The following KATNIP variants were observed in gnomAD, a reference collection of about 807,000 sequenced individuals.
KATNIP encodes katanin-interacting protein.
Under a neutral mutation model 174.0 loss-of-function variants are expected in KATNIP, and 126 were observed. That is an observed-to-expected ratio of 0.72 (90% CI 0.63 to 0.84). KATNIP has a LOEUF of 0.84. Among genes scored for constraint, KATNIP ranks in the 40% least tolerant of loss-of-function variants. KATNIP has a pLI of 0.00. For synonymous variants in KATNIP, 810 were observed against 835.7 expected (o/e 0.97, Z 0.53); for missense variants, 1,958 against 2,109.7 (o/e 0.93, Z 1.41).
chr16:27,774,091 C>T (rs567751334), intron 23 of KATNIP, among the ~76,000 whole-genome samples: 13 of 152,234 alleles, frequency 8.5e-5, no homozygotes, highest in African/African-American at 2.4e-4. Context: ...CTGGCCCCCT[C>T]GGATCTTGAA....
intron 13 of KATNIP, among the ~76,000 whole-genome samples, chr16:27,710,709 A>G (rs1354607847): frequency 6.6e-6 from 1 of 152,068 alleles, no homozygotes. Flanking sequence ...TCACTATGTT[A>G]CCTGGGATGG....
chr16:27,717,102 A>G (rs1294331525), intron 13 of KATNIP, among the ~76,000 whole-genome samples: 1 of 152,116 alleles, frequency 6.6e-6, no homozygotes, highest in East Asian at 1.9e-4. Flanking sequence ...TCAGCCTCTC[A>G]AAGTGCTGGG....
rs562253355 is a variant in KATNIP at position 27,643,590 on chromosome 16, C to CAAAAA, written c.409-4991_409-4987dup. Among the ~76,000 whole-genome samples, 18 of 40,474 alleles carry CAAAAA rather than the reference C, an allele frequency of 4.4e-4. 3 individuals are homozygous for CAAAAA. Among genetic ancestry groups the CAAAAA allele is most frequent in the East Asian group, 3.0e-3 (3 of 1,016 alleles). 26.6% of individuals were successfully genotyped at this position (40,474 alleles called of 152,430 possible). A position where few individuals can be genotyped will look rare whatever the true frequency, so the allele number is the denominator to read the frequency against. ...TGGGTAACAGAGTGAGACTCTGTCT[C>CAAAAA]AAAAAAAAAAAAAAAAAAAAAAAAA... On this transcript the variant is annotated intron_variant, in intron 5 of 27. Transcript: ENST00000261588.
chr16:27,650,352 C>T (rs891815069), intron 6 of KATNIP, among the ~76,000 whole-genome samples: 7 of 152,018 alleles, frequency 4.6e-5, no homozygotes, highest in African/African-American at 1.7e-4. Context: ...CAGGCCTGGG[C>T]CAGGGTGGAG....
chr16:27,612,424 A>G (rs991437356), intron 2 of KATNIP, among the ~76,000 whole-genome samples: 1 of 152,240 alleles, frequency 6.6e-6, no homozygotes, highest in African/African-American at 2.4e-5. Flanking sequence ...CTTGCTACCC[A>G]AAGTGTGGGC....
At chr16:27,660,034 T>C in intron 6 of KATNIP, 2 of 981,234 alleles carry the variant, frequency 2.0e-6, no homozygotes, top group Non-Finnish European at 2.4e-6. Flanking sequence ...TTGCGAGTCT[T>C]GTTTTAGGGA....
At chr16:27,677,216 A>T (rs1457708059) in intron 6 of KATNIP, among the ~76,000 whole-genome samples, 2 of 152,202 alleles carry the variant, frequency 1.3e-5, no homozygotes, top group African/African-American at 4.8e-5. Flanking sequence ...TCAGCCCCTA[A>T]CAACTACCTG....
At chr16:27,603,547 C>A (rs2075603115) in intron 2 of KATNIP, among the ~76,000 whole-genome samples, 1 of 152,122 alleles carries the variant, frequency 6.6e-6, no homozygotes, top group Admixed American at 6.5e-5. Context: ...CCCACCACCC[C>A]CAACTGCAGT....
Position 27,754,310 on chromosome 16 carries a change from A to C in KATNIP, c.3631+59A>C, listed in dbSNP as rs1359313198. 2.8e-6 allele frequency: 4 copies of C among 1,422,028 alleles called. No individual in the cohort carries two copies. In the African/African-American group the frequency reaches 4.2e-5, roughly 15 times the overall value. The allele number at this position is 1,422,028 out of a possible 1,614,324, so 88.1% of individuals were successfully genotyped here. A position where few individuals can be genotyped will look rare whatever the true frequency, so the allele number is the denominator to read the frequency against. ...AGGAGGACCTTCCAGGGACAGGGGG[A>C]GTTGTGGCCACTTGGGACAGGGTTT... On this transcript the variant is annotated intron_variant, in intron 18 of 27. Transcript: ENST00000261588.
rs2081617640 is a variant in KATNIP, at chr16:27,754,045, G to A, written c.3553-128G>A. ...GCTTCCACAAAGGCAGAAAAATCCAGGAAAACACACAAGGACTTACCTGGG... is the reference window on the plus strand; with the variant it reads ...GCTTCCACAAAGGCAGAAAAATCCAAGAAAACACACAAGGACTTACCTGGG... On this transcript the variant is annotated intron_variant, in intron 17 of 27. Transcript: ENST00000261588. The A allele has an allele frequency of 3.9e-6, 3 of 769,854 alleles. No homozygotes were observed. The Admixed American group carries it at 6.6e-5, about 17-fold the overall frequency. The allele number at this position is 769,854 out of a possible 1,614,324, so 47.7% of individuals were successfully genotyped here.
intron 6 of KATNIP, among the ~76,000 whole-genome samples, chr16:27,676,693 G>T (rs1005046237): frequency 6.6e-6 from 1 of 152,094 alleles, no homozygotes; most frequent in African/African-American, 2.4e-5. Flanking sequence ...GTGCATGTGT[G>T]TGTGTGTGTG....
chr16:27,757,617 T>C (rs1241430447), intron 18 of KATNIP: 2 of 663,560 alleles, frequency 3.0e-6, no homozygotes, highest in Non-Finnish European at 3.7e-6. Flanking sequence ...GCAAGGCAAG[T>C]GTAATTTCTC....
In KATNIP at chr16:27,777,572, C is replaced by G; in HGVS notation, c.4552-38C>G. Reference sequence around the variant, plus strand: ...CTGCCCAAGGTCAACGTGGGAGGGACGAGGGGGACCCATGAGTCCTGCCCC... The same window carrying G: ...CTGCCCAAGGTCAACGTGGGAGGGAGGAGGGGGACCCATGAGTCCTGCCCC... On this transcript the variant is annotated intron_variant, in intron 25 of 27. Transcript: ENST00000261588. The surrounding 1 kb of genome is among the most constrained non-coding windows in gnomAD (Gnocchi z 4.4). The G allele has an allele frequency of 6.4e-7, 1 of 1,565,274 alleles. No homozygotes were observed. The highest frequency in any genetic ancestry group is 1.4e-5 in the African/African-American group (1 of 73,930).
At chr16:27,770,570 G>T (rs577711342) in intron 21 of KATNIP, among the ~76,000 whole-genome samples, 1 of 152,218 alleles carries the variant, frequency 6.6e-6, no homozygotes, top group African/African-American at 2.4e-5. Flanking sequence ...GGGTTGGCTG[G>T]CTGGGCTGGT....
intron 19 of KATNIP, among the ~76,000 whole-genome samples, chr16:27,765,834 G>T (rs950355401): frequency 2.0e-5 from 3 of 152,138 alleles, no homozygotes; most frequent in African/African-American, 7.2e-5. Flanking sequence ...CTTAACCCCT[G>T]TGAAATTTAC....
chr16:27,737,714 C>G (rs576109858), intron 14 of KATNIP, among the ~76,000 whole-genome samples: 1 of 152,056 alleles, frequency 6.6e-6, no homozygotes, highest in African/African-American at 2.4e-5. Flanking sequence ...GGAAAGTCAT[C>G]GCAAAGGAGG....
chr16:27,682,052 C>G (rs2078363520), intron 8 of KATNIP, among the ~76,000 whole-genome samples: 1 of 152,216 alleles, frequency 6.6e-6, no homozygotes, highest in Non-Finnish European at 1.5e-5. Flanking sequence ...GAGTGATTTT[C>G]TGATTCCACC....
At chr16:27,665,244 T>C (rs148123710) in intron 6 of KATNIP, among the ~76,000 whole-genome samples, 3,416 of 151,680 alleles carry the variant, frequency 0.023, 147 homozygotes, top group African/African-American at 0.079. Context: ...GCTGGGATTA[T>C]AGGCATCCAC....
Position 27,777,484 on chromosome 16 carries a change from C to T in KATNIP, c.4552-126C>T, listed in dbSNP as rs551122642. The T allele has an allele frequency of 4.9e-6, 4 of 814,618 alleles. No homozygotes were observed. The highest frequency in any genetic ancestry group is 5.6e-6 in the Non-Finnish European group (3 of 531,172). The allele number at this position is 814,618 out of a possible 1,614,324, so 50.5% of individuals were successfully genotyped here. On this transcript the variant is annotated intron_variant, in intron 25 of 27. Transcript: ENST00000261588. This position sits in a 1 kb window ranked among gnomAD's most constrained non-coding sequence, Gnocchi z 4.4. ...CAAGGCAGACACAGCACACAGTAGG[C>T]GCTTGTTCCTGACAGCCCCGTCTTC... is the stretch of plus-strand genomic sequence containing the variant.
Sources: allele counts gnomAD v4.1 joint callset (sites outside exome capture counted in the v4.1 genomes callset), GRCh38; gene constraint gnomAD v4.1.1; non-coding constraint Gnocchi (gnomAD v3.1); transcripts MANE v1.5; gene names NCBI Gene and HGNC (gene_info 2026-07-23, HGNC 2026-07-21).